Variants in HAO2 observed in about 807,000 individuals in gnomAD.
HAO2 encodes the protein 2-Hydroxyacid oxidase 2.
HAO2 carries 42 observed loss-of-function variants against 37.4 expected under a neutral mutation model. The ratio of observed to expected loss-of-function variants is 1.12; its 90% confidence interval spans 0.88 to 1.45. The LOEUF (loss-of-function observed/expected upper bound fraction) is 1.45, where lower values mean the gene tolerates loss of function less well. HAO2 is among the 40% of genes most tolerant of loss of function. HAO2 has a pLI of 0.00. For missense variants in HAO2, 476 were observed against 430.2 expected, an observed-to-expected ratio of 1.11 and a Z score of -0.94; for synonymous variants, 180 against 162.8, an observed-to-expected ratio of 1.11 and a Z score of -0.81.
At chr1:119,382,814 G>T in intron 2 of HAO2, 101 bp from the exon 3 acceptor site, 1 of 1,123,260 alleles carries the variant, frequency 8.9e-7, no homozygotes, top group Non-Finnish European at 1.3e-6. Flanking sequence ...ACCCTGTCTG[G>T]TTTAGACTTG....
rs587728371 is a variant in HAO2 at position 119,378,979 on chromosome 1, G to A, written c.-8-2099G>A. On this transcript the variant is annotated intron_variant, in intron 1 of 7. Transcript: ENST00000325945. ...GGGTCCCAGGTTTGGTTCTTCATTA[G>A]GAGGAACAAATAGTCGAGGCTATGC... Among the ~76,000 whole-genome samples the A allele has an allele frequency of 4.2e-4, 64 of 152,284 alleles. No homozygotes were observed. The South Asian group carries it at 0.013, about 31-fold the overall frequency.
chr1:119,392,618 G>A lies in HAO2; in HGVS notation c.931G>A (p.Gly311Ser), dbSNP rs1459152435. The change falls in exon 7 of 8, where the codon GGT (glycine) becomes AGT (serine). Residue 311 changes from glycine (G) to serine (S), a missense_variant and splice_region_variant. Transcript: ENST00000325945. ...CTCTGTCTGTCTGCCTCGGGAGCAGGGTGAACATGGTGTTAAGGAAGTTTT... is the reference window on the plus strand; with the variant it reads ...CTCTGTCTGTCTGCCTCGGGAGCAGAGTGAACATGGTGTTAAGGAAGTTTT... The part of the protein sequence containing the change: ...RPILWGLACK[G>S]EHGVKEVLNI... 2 of 1,601,232 alleles carry A rather than the reference G, an allele frequency of 1.2e-6. No homozygotes were observed. Among genetic ancestry groups the A allele is most frequent in the African/African-American group, 2.7e-5 (2 of 74,634 alleles).
At chr1:119,392,408 C>A in intron 6 of HAO2, 140 bp downstream of exon 6, 2 of 772,546 alleles carry the variant, frequency 2.6e-6, no homozygotes, top group Non-Finnish European at 4.3e-6. Flanking sequence ...CATCTCCATG[C>A]TTCTTCTGAA....
At chr1:119,386,246 C>T (rs1650368770) in intron 4 of HAO2, among the ~76,000 whole-genome samples, 1 of 152,170 alleles carries the variant, frequency 6.6e-6, no homozygotes, top group Admixed American at 6.5e-5. Flanking sequence ...CAAGGTCTCA[C>T]TCTGTCAGCC....
At chr1:119,376,500 G>A (rs1649482786) in intron 1 of HAO2, among the ~76,000 whole-genome samples, 1 of 152,200 alleles carries the variant, frequency 6.6e-6, no homozygotes, top group African/African-American at 2.4e-5. Flanking sequence ...TCTGGAGTCT[G>A]GAGGATGATG....
chr1:119,369,149 G>T (rs1006575327), intron 1 of HAO2: 1 of 152,134 alleles, frequency 6.6e-6, no homozygotes, highest in Admixed American at 6.6e-5. Context: ...ATTGTATGGT[G>T]GAATATTCGT....
chr1:119,393,436 T>C (rs587685548), intron 7 of HAO2, among the ~76,000 whole-genome samples: 17 of 152,302 alleles, frequency 1.1e-4, no homozygotes, highest in African/African-American at 3.6e-4. Flanking sequence ...GTGTGTCATA[T>C]TCCTCCCGAA....
chr1:119,386,681 T>C lies in HAO2; in HGVS notation c.621T>C (p.Asp207=), dbSNP rs1650406495. The change falls in exon 5 of 8, where the codon GAT becomes GAC. Residue 207 remains aspartate (D), a synonymous_variant. Transcript: ENST00000325945. The part of the protein sequence containing the change: ...TPISTSLCWN[D]LSWFQSITRL... ...TCAGCACTTCTCTCTGCTGGAATGA[T>C]CTCTCCTGGTTTCAGAGCATAACTC... The C allele has an allele frequency of 6.2e-7, 1 of 1,613,362 alleles. No homozygotes were observed. The highest frequency in any genetic ancestry group is 1.1e-5 in the South Asian group (1 of 91,070).
chr1:119,392,090 C>T lies in HAO2; in HGVS notation c.772-20C>T, dbSNP rs776787594. ...AGTCAAAATAGAAAGCCCTCCAGCC[C>T]ATGTGTATCTCCTTTTCAGATTGAT... On this transcript the variant is annotated intron_variant, in intron 5 of 7. Coordinates refer to ENST00000325945, the MANE Select transcript of HAO2 (RefSeq NM_016527.4). The T allele has an allele frequency of 5.6e-6, 9 of 1,602,660 alleles. No homozygotes were observed. The highest frequency in any genetic ancestry group is 2.2e-5 in the East Asian group (1 of 44,642).
intron 1 of HAO2, among the ~76,000 whole-genome samples, chr1:119,375,990 C>T (rs1316977062): frequency 6.6e-6 from 1 of 152,150 alleles, no homozygotes; most frequent in African/African-American, 2.4e-5. Flanking sequence ...CCACTCCTGG[C>T]CCCTCACAAA....
chr1:119,375,713 G>A (rs937231688), intron 1 of HAO2, among the ~76,000 whole-genome samples: 1 of 152,156 alleles, frequency 6.6e-6, no homozygotes, highest in Non-Finnish European at 1.5e-5. Context: ...CATAGCTGAA[G>A]GGGCCTCACA....
intron 5 of HAO2, among the ~76,000 whole-genome samples, chr1:119,388,262 G>A (rs587614907): frequency 1.3e-5 from 2 of 152,312 alleles, no homozygotes; most frequent in East Asian, 3.9e-4. Context: ...AGGCAATGAA[G>A]AGCCCATTAC....
chr1:119,384,951 G>A lies in HAO2; in HGVS notation c.459G>A (p.Leu153=), dbSNP rs144913211. 3.7e-6 allele frequency: 6 copies of A among 1,613,504 alleles called. No individual in the cohort carries two copies. The African/African-American group carries it at 5.3e-5, about 14-fold the overall frequency. Residue 153 remains leucine (L), a synonymous_variant, in exon 4 of 8, where the codon TTG becomes TTA. Coordinates refer to ENST00000325945, the MANE Select transcript of HAO2 (RefSeq NM_016527.4). ...QRVESLGFKA[L]VITLDTPVCG... is the part of the protein sequence containing the mutation. ...TAGAATCCCTAGGTTTCAAAGCTTT[G>A]GTAATAACTTTGGATACACCTGTAT...
intron 4 of HAO2, 38 bp from the exon 5 acceptor site, chr1:119,386,584 G>T (rs1370240977): frequency 7.9e-7 from 1 of 1,269,972 alleles, no homozygotes; most frequent in Non-Finnish European, 1.2e-6. Flanking sequence ...GTAGCCTTGT[G>T]AGAGCTCAGG....
At chr1:119,389,674 A>G (rs1650717886) in intron 5 of HAO2, among the ~76,000 whole-genome samples, 1 of 146,060 alleles carries the variant, frequency 6.8e-6, no homozygotes, top group Non-Finnish European at 1.5e-5. Context: ...AGTTCCTCGT[A>G]GATTCTGGTT....
At chr1:119,383,488 G>T (rs1043100904) in intron 3 of HAO2, among the ~76,000 whole-genome samples, 1 of 152,144 alleles carries the variant, frequency 6.6e-6, no homozygotes. Context: ...CACGACATTA[G>T]GTCCTAACAC....
At chr1:119,375,480 C>G (rs10494225) in intron 1 of HAO2, among the ~76,000 whole-genome samples, 20,013 of 151,978 alleles carry the variant, frequency 0.13, 1,920 homozygotes, top group African/African-American at 0.27. Flanking sequence ...ATCTCGAGTT[C>G]AATATGGCAA....
chr1:119,378,893 T>C (rs1271168151), intron 1 of HAO2, among the ~76,000 whole-genome samples: 3 of 152,198 alleles, frequency 2.0e-5, no homozygotes, highest in African/African-American at 7.2e-5. Flanking sequence ...TAATGAACAT[T>C]TGTAAGCAGC....
At chr1:119,393,306 A>G (rs1651059330) in intron 7 of HAO2, among the ~76,000 whole-genome samples, 1 of 152,118 alleles carries the variant, frequency 6.6e-6, no homozygotes, top group South Asian at 2.1e-4. Flanking sequence ...TCTGAGCTAC[A>G]GTCATAATTT....
Sources: gnomAD v4.1 joint callset for allele counts (sites outside exome capture counted in the v4.1 genomes callset) on GRCh38, gnomAD v4.1.1 for gene constraint, MANE v1.5 for transcripts, NCBI Gene and HGNC (gene_info 2026-07-23, HGNC 2026-07-21) for gene names.